Variants in CLVS1 observed in about 807,000 individuals in gnomAD.
CLVS1 encodes clavesin-1.
CLVS1 carries 10 observed loss-of-function variants against 33.1 expected under a neutral mutation model. That is an observed-to-expected ratio of 0.30 (90% CI 0.19 to 0.51). The LOEUF is 0.51. Among genes scored for constraint, CLVS1 ranks in the 20% least tolerant of loss-of-function variants. The pLI, the probability that CLVS1 is intolerant of heterozygous loss-of-function variation, is 0.97. For synonymous variants in CLVS1, 163 were observed against 166.1 expected (o/e 0.98, Z 0.14); for missense variants, 343 against 433.4 (o/e 0.79, Z 1.85).
At chr8:61,170,754 A>T (rs1787969282) in intron 2 of CLVS1, among the ~76,000 whole-genome samples, 1 of 152,232 alleles carries the variant, frequency 6.6e-6, no homozygotes, top group East Asian at 1.9e-4. Context: ...AATAGCAAGT[A>T]TTCCAAAACT....
At chr8:61,499,193 T>C (rs1804436129) in intron 5 of CLVS1, among the ~76,000 whole-genome samples, 1 of 150,654 alleles carries the variant, frequency 6.6e-6, no homozygotes, top group Admixed American at 6.6e-5. Flanking sequence ...ATTTTTATTT[T>C]GGAGACAGGG....
At chr8:61,141,132 A>T (rs1158249964) in intron 2 of CLVS1, among the ~76,000 whole-genome samples, 2 of 152,234 alleles carry the variant, frequency 1.3e-5, no homozygotes, top group East Asian at 3.8e-4. Flanking sequence ...ATGCAAATAC[A>T]TATAAAGCAA....
intron 2 of CLVS1, among the ~76,000 whole-genome samples, chr8:61,240,013 A>G (rs138123861): frequency 5.8e-4 from 89 of 152,330 alleles, no homozygotes; most frequent in African/African-American, 1.8e-3. Flanking sequence ...GTAAGCCACT[A>G]GACGAACTCA....
chr8:61,341,659 A>G (rs1260818627), intron 2 of CLVS1, among the ~76,000 whole-genome samples: 5 of 152,186 alleles, frequency 3.3e-5, no homozygotes, highest in Non-Finnish European at 7.3e-5. Context: ...TAAGATGGAC[A>G]TTTCCCCTGG....
chr8:61,090,480 A>G (rs1805222336), intron 1 of CLVS1, among the ~76,000 whole-genome samples: 1 of 152,188 alleles, frequency 6.6e-6, no homozygotes, highest in African/African-American at 2.4e-5. Flanking sequence ...TTCGATAGGC[A>G]GAAAACAGGC....
chr8:61,340,779 G>A (rs926798079), intron 2 of CLVS1, among the ~76,000 whole-genome samples: 13 of 152,256 alleles, frequency 8.5e-5, no homozygotes, highest in East Asian at 1.9e-4. Context: ...CATGATGGCT[G>A]TACCAGTGTT....
At chr8:61,310,379 C>T (rs1216562755) in intron 2 of CLVS1, among the ~76,000 whole-genome samples, 1 of 152,154 alleles carries the variant, frequency 6.6e-6, no homozygotes, top group African/African-American at 2.4e-5. Flanking sequence ...TGTCCAAGGT[C>T]ATACAGCTGG....
intron 1 of CLVS1, among the ~76,000 whole-genome samples, chr8:61,057,449 T>C (rs978167091): frequency 6.7e-6 from 1 of 150,120 alleles, no homozygotes; most frequent in Non-Finnish European, 1.5e-5. Context: ...AAATGAAGGG[T>C]GGGTTTGTAC....
chr8:61,259,339 A>G (rs563317326), intron 2 of CLVS1, among the ~76,000 whole-genome samples: 1 of 152,302 alleles, frequency 6.6e-6, no homozygotes, highest in East Asian at 1.9e-4. Flanking sequence ...ACCATGGTAC[A>G]TTCACTCGTA....
At chr8:60,994,402 T>C in the CLVS1 span, among the ~76,000 whole-genome samples, 1 of 152,148 alleles carries the variant, frequency 6.6e-6, no homozygotes, top group African/African-American at 2.4e-5. Flanking sequence ...AACCAGAAAC[T>C]GTATGTTAAA....
intron 1 of CLVS1, among the ~76,000 whole-genome samples, chr8:61,093,249 CTG>C (rs1805285077): frequency 1.3e-5 from 2 of 152,168 alleles, no homozygotes; most frequent in Admixed American, 6.5e-5. Context: ...CCACACAAAA[CTG>C]TGTCCCCTAT....
chr8:61,009,225 C>T, the CLVS1 span, among the ~76,000 whole-genome samples: 1 of 151,156 alleles, frequency 6.6e-6, no homozygotes, highest in African/African-American at 2.4e-5. Context: ...GCCTGGAATG[C>T]AGTGCCTCGC....
rs180751859 is a variant in CLVS1 at position 61,322,749 on chromosome 8, T to G, written c.455+22467T>G. Among the ~76,000 whole-genome samples the G allele has an allele frequency of 2.0e-3, 301 of 152,274 alleles. 1 individual carries two copies. The highest frequency in any genetic ancestry group is 6.7e-3 in the African/African-American group (280 of 41,564). On this transcript the variant is annotated intron_variant, in intron 2 of 5. Transcript: ENST00000325897. ...CTACTCTTGCTCTTTTTGGAAGCAG[T>G]ACTCTTCTCATCTCAATTAATCAAT...
At chr8:61,006,679 G>T in the CLVS1 span, among the ~76,000 whole-genome samples, 1 of 152,144 alleles carries the variant, frequency 6.6e-6, no homozygotes, top group Admixed American at 6.5e-5. Flanking sequence ...GACTCCTTGG[G>T]ATATTTTTGT....
chr8:61,224,008 C>T (rs1271283071), intron 2 of CLVS1, among the ~76,000 whole-genome samples: 1 of 152,062 alleles, frequency 6.6e-6, no homozygotes, highest in African/African-American at 2.4e-5. Context: ...CTATGTTTTT[C>T]AGCTCCATTA....
chr8:61,219,519 G>A (rs761528008), intron 2 of CLVS1, among the ~76,000 whole-genome samples: 5 of 152,132 alleles, frequency 3.3e-5, no homozygotes, highest in African/African-American at 1.2e-4. Flanking sequence ...TGGTGTATAT[G>A]TACCACATTT....
the CLVS1 span, among the ~76,000 whole-genome samples, chr8:61,005,666 C>T: frequency 6.6e-6 from 1 of 152,172 alleles, no homozygotes; most frequent in African/African-American, 2.4e-5. Context: ...CTTTGGAAAA[C>T]TGCCGAGATA....
At chr8:61,353,117 G>T (rs777671359) in intron 2 of CLVS1, among the ~76,000 whole-genome samples, 11 of 151,932 alleles carry the variant, frequency 7.2e-5, no homozygotes, top group Non-Finnish European at 1.5e-4. Context: ...TGCAATTATA[G>T]TTGGGGACCT....
At chr8:61,280,385 A>G (rs1809646034) in intron 2 of CLVS1, among the ~76,000 whole-genome samples, 1 of 152,196 alleles carries the variant, frequency 6.6e-6, no homozygotes, top group Non-Finnish European at 1.5e-5. Flanking sequence ...ACATTGAAAT[A>G]TGACAACTTT....
Sources: gnomAD v4.1 joint callset for allele counts (sites outside exome capture counted in the v4.1 genomes callset) on GRCh38, gnomAD v4.1.1 for gene constraint, MANE v1.5 for transcripts, NCBI Gene and HGNC (gene_info 2026-07-23, HGNC 2026-07-21) for gene names.